MCU: variants seen among roughly 807,000 people sequenced by gnomAD.
MCU encodes calcium uniporter protein, mitochondrial.
A neutral mutation model predicts 45.2 loss-of-function variants in MCU; 12 were observed. The ratio of observed to expected loss-of-function variants is 0.27; its 90% CI spans 0.17 to 0.43. The LOEUF is 0.43. Ranked by LOEUF, MCU falls within the 20% of genes least tolerant of loss-of-function variation. The probability of loss-of-function intolerance (pLI) is 1.00; values close to 1 mark genes in which losing one functional copy is unlikely to be tolerated. For synonymous variants in MCU, 160 were observed against 165.1 expected (o/e 0.97, Z 0.24); for missense variants, 324 against 436.7 (o/e 0.74, Z 2.30).
At chr10:72,722,411 C>T (rs111273567) in intron 1 of MCU, among the ~76,000 whole-genome samples, 1 of 136,258 alleles carries the variant, frequency 7.3e-6, no homozygotes, top group African/African-American at 2.7e-5. Context: ...TTTTTCTTTT[C>T]TGTTTTATTA....
At chr10:72,843,191 T>C (rs1845071607) in intron 2 of MCU, among the ~76,000 whole-genome samples, 1 of 152,204 alleles carries the variant, frequency 6.6e-6, no homozygotes, top group Admixed American at 6.5e-5. Flanking sequence ...GGGTTTACGC[T>C]TGGTGTTTTA....
At chr10:72,693,789 T>G (rs1842654251) in intron 1 of MCU, among the ~76,000 whole-genome samples, 1 of 152,228 alleles carries the variant, frequency 6.6e-6, no homozygotes, top group Non-Finnish European at 1.5e-5. Flanking sequence ...ATGTGTTTTG[T>G]TCTCTTAAAA....
At chr10:72,751,561 G>T (rs1554822011) in intron 1 of MCU, among the ~76,000 whole-genome samples, 1 of 150,694 alleles carries the variant, frequency 6.6e-6, no homozygotes, top group Non-Finnish European at 1.5e-5. Flanking sequence ...TCACCATGTT[G>T]GCCAGGCTGG....
intron 1 of MCU, among the ~76,000 whole-genome samples, chr10:72,830,220 G>C (rs1463268749): frequency 6.6e-6 from 1 of 152,130 alleles, no homozygotes; most frequent in African/African-American, 2.4e-5. Context: ...GCTTTGTTAT[G>C]TTCTAATAAA....
intron 3 of MCU, among the ~76,000 whole-genome samples, 161 bp downstream of exon 3, chr10:72,859,508 A>G (rs1186323571): frequency 6.6e-6 from 1 of 152,298 alleles, no homozygotes; most frequent in East Asian, 1.9e-4. Flanking sequence ...AGAGAAAGGG[A>G]TTTCTCTCCC....
At chr10:72,846,701 A>T (rs1433426462) in intron 2 of MCU, among the ~76,000 whole-genome samples, 1 of 151,884 alleles carries the variant, frequency 6.6e-6, no homozygotes, top group Non-Finnish European at 1.5e-5. Context: ...TTCTTTTTTG[A>T]AAATGAAAAT....
intron 6 of MCU, among the ~76,000 whole-genome samples, chr10:72,878,754 A>G (rs1367618788): frequency 6.6e-6 from 1 of 152,218 alleles, no homozygotes; most frequent in Non-Finnish European, 1.5e-5. Context: ...GTGTGCAGAT[A>G]CAGAAAGATG....
chr10:72,731,932 A>T (rs1843180372), intron 1 of MCU, among the ~76,000 whole-genome samples: 1 of 152,232 alleles, frequency 6.6e-6, no homozygotes, highest in African/African-American at 2.4e-5. Context: ...ATTTGGACAA[A>T]TATTTTTATT....
chr10:72,866,708 A>T (rs1049140592), intron 4 of MCU, among the ~76,000 whole-genome samples: 1 of 152,130 alleles, frequency 6.6e-6, no homozygotes, highest in African/African-American at 2.4e-5. Context: ...TTATAAATAC[A>T]TGGGGAAGAT....
chr10:72,861,329 A>G (rs895827026), intron 4 of MCU, among the ~76,000 whole-genome samples: 12 of 152,028 alleles, frequency 7.9e-5, no homozygotes, highest in African/African-American at 2.9e-4. Flanking sequence ...CCCAGCCTGT[A>G]TATGCTTTTA....
chr10:72,797,224 T>C (rs201075359), intron 1 of MCU, among the ~76,000 whole-genome samples: 386 of 33,352 alleles, frequency 0.012, 27 homozygotes, highest in Non-Finnish European at 0.023. Flanking sequence ...TTATTTTATT[T>C]TATTTTATTT....
At chr10:72,774,090 T>G (rs1053846237) in intron 1 of MCU, among the ~76,000 whole-genome samples, 1 of 152,202 alleles carries the variant, frequency 6.6e-6, no homozygotes, top group East Asian at 1.9e-4. Flanking sequence ...TAAAATTAAG[T>G]ACACAGGCAA....
intron 1 of MCU, among the ~76,000 whole-genome samples, chr10:72,790,963 C>T (rs1025873879): frequency 6.6e-6 from 1 of 152,142 alleles, no homozygotes; most frequent in African/African-American, 2.4e-5. Context: ...ATCTTGAAAG[C>T]CTTGCTCTAT....
At chr10:72,758,934 A>G (rs181707056) in intron 1 of MCU, among the ~76,000 whole-genome samples, 2 of 152,334 alleles carry the variant, frequency 1.3e-5, no homozygotes, top group Admixed American at 6.5e-5. Context: ...TGAAAAATGC[A>G]GTATTATTTA....
intron 5 of MCU, among the ~76,000 whole-genome samples, chr10:72,870,533 T>A (rs1238169903): frequency 6.6e-6 from 1 of 152,144 alleles, no homozygotes; most frequent in Non-Finnish European, 1.5e-5. Context: ...CCACCTGCCT[T>A]GGCCTCCCAA....
intron 1 of MCU, among the ~76,000 whole-genome samples, chr10:72,792,432 T>C (rs1844176262): frequency 6.6e-6 from 1 of 152,188 alleles, no homozygotes; most frequent in African/African-American, 2.4e-5. Flanking sequence ...GTTAAACTGC[T>C]TCCTGGGGAT....
intron 1 of MCU, among the ~76,000 whole-genome samples, chr10:72,823,564 T>G: frequency 6.6e-6 from 1 of 152,342 alleles, no homozygotes; most frequent in South Asian, 2.1e-4. Context: ...CCTTTTATAC[T>G]GCACTAAGAC....
At chr10:72,718,598 C>CACATGCATGCCCTAT in intron 1 of MCU, among the ~76,000 whole-genome samples, 1 of 152,298 alleles carries the variant, frequency 6.6e-6, no homozygotes, top group East Asian at 1.9e-4. Context: ...AAAAGTTGAA[C>CACATGCATGCCCTAT]ACATGCATGC....
rs974517391 is a variant in MCU, at chr10:72,874,146, G to C, written c.861+2566G>C. On this transcript the variant is annotated intron_variant, in intron 6 of 7. Transcript: ENST00000373053. ...CCTATTTCTGTGAAGAGTATAATTGGTATTTTGATAGGGAATGCATCAAAT... is the reference window on the plus strand; with the variant it reads ...CCTATTTCTGTGAAGAGTATAATTGCTATTTTGATAGGGAATGCATCAAAT... 2.0e-5 allele frequency among the ~76,000 whole-genome samples: 3 copies of C among 152,092 alleles called. No individual in the cohort carries two copies. The South Asian group carries it at 6.2e-4, about 31-fold the overall frequency.
Sources: allele counts gnomAD v4.1 joint callset (sites outside exome capture counted in the v4.1 genomes callset), GRCh38; gene constraint gnomAD v4.1.1; transcripts MANE v1.5; gene names NCBI Gene and HGNC (gene_info 2026-07-23, HGNC 2026-07-21).